The following MRTFB variants were observed in gnomAD, a reference collection of about 807,000 sequenced individuals.
MRTFB encodes the protein myocardin-related transcription factor B.
MRTFB carries 29 observed loss-of-function variants against 104.2 expected under a neutral mutation model. The ratio of observed to expected loss-of-function variants is 0.28; its 90% confidence interval spans 0.21 to 0.38. MRTFB has a LOEUF of 0.38. MRTFB is among the 10% of genes least tolerant of loss of function. MRTFB has a pLI of 1.00. For missense variants in MRTFB, 1,270 were observed against 1,341.6 expected (o/e 0.95, Z 0.83); for synonymous variants, 535 against 519.5 (o/e 1.03, Z -0.41).
chr16:14,106,498 G>C lies in MRTFB; in HGVS notation c.-64+27144G>C, dbSNP rs2035983676. Among the ~76,000 whole-genome samples, 6 of 152,298 alleles carry C rather than the reference G, an allele frequency of 3.9e-5. No individual in the cohort carries two copies. The Middle Eastern group carries it at 0.014, about 345-fold the overall frequency. On this transcript the variant is annotated intron_variant, in intron 2 of 16. Transcript: ENST00000571589. The stretch of plus-strand genomic sequence containing the variant: ...GGCTGATCGAGTGTAGACTGAATCA[G>C]CTACGCCACTTGACTGTAACTATGT...
intron 3 of MRTFB, among the ~76,000 whole-genome samples, chr16:14,172,633 C>T (rs1488368950): frequency 6.6e-6 from 1 of 152,064 alleles, no homozygotes. Flanking sequence ...ACTTCGCATT[C>T]CAACTAGCAC....
intron 2 of MRTFB, among the ~76,000 whole-genome samples, chr16:14,109,156 T>C (rs1231195759): frequency 6.6e-6 from 1 of 152,238 alleles, no homozygotes; most frequent in Admixed American, 6.5e-5. Flanking sequence ...ATTATTTTTA[T>C]ACAGGAAGCT....
At chr16:14,151,001 A>G (rs1226914751) in intron 3 of MRTFB, 2 of 152,156 alleles carry the variant, frequency 1.3e-5, no homozygotes, top group East Asian at 1.9e-4. Context: ...TCTATGTGCA[A>G]TTTCCTGGAG....
At chr16:14,018,484 C>G in the MRTFB span, among the ~76,000 whole-genome samples, 1 of 152,204 alleles carries the variant, frequency 6.6e-6, no homozygotes, top group Non-Finnish European at 1.5e-5. Context: ...GGTTCTGTAT[C>G]TGGCTCACAG....
At chr16:14,122,558 G>T (rs965090109) in intron 2 of MRTFB, among the ~76,000 whole-genome samples, 1 of 152,092 alleles carries the variant, frequency 6.6e-6, no homozygotes, top group African/African-American at 2.4e-5. Flanking sequence ...TCTTATGTTA[G>T]TTTGCTGAGA....
rs149059947 is a variant in MRTFB, at chr16:14,223,487, T to G, written c.693+4489T>G. On this transcript the variant is annotated intron_variant, in intron 8 of 16. Transcript: ENST00000571589. ...AACATGGACAACAAACTAAAGGAAA[T>G]TAGGAAAACTATATATGAACAAACT... is the stretch of plus-strand genomic sequence containing the variant. Among the ~76,000 whole-genome samples the G allele has an allele frequency of 1.0e-3, 152 of 151,994 alleles. 3 individuals are homozygous for G. The East Asian group carries it at 0.026, about 26-fold the overall frequency.
At chr16:14,087,314 G>A (rs1010158597) in intron 2 of MRTFB, among the ~76,000 whole-genome samples, 1 of 152,166 alleles carries the variant, frequency 6.6e-6, no homozygotes, top group Non-Finnish European at 1.5e-5. Context: ...TTAAGGATAT[G>A]TACTGAACCT....
At chr16:14,252,099 C>T (rs2043279918) in intron 14 of MRTFB, 76 bp downstream of exon 14, 10 of 1,456,214 alleles carry the variant, frequency 6.9e-6, no homozygotes, top group Non-Finnish European at 9.4e-6. Context: ...GTGCTTTGGG[C>T]TTGGAGTGAC....
chr16:14,002,384 G>GA, the MRTFB span, among the ~76,000 whole-genome samples: 70 of 142,506 alleles, frequency 4.9e-4, no homozygotes, highest in South Asian at 1.3e-3. Flanking sequence ...CTCCGTCCGG[G>GA]AAAAAAAAAA....
intron 1 of MRTFB, among the ~76,000 whole-genome samples, chr16:14,073,254 T>C (rs918438336): frequency 6.6e-6 from 1 of 152,232 alleles, no homozygotes; most frequent in African/African-American, 2.4e-5. Context: ...ATCTTCATTA[T>C]ACAGATCTGT....
At chr16:14,070,388 C>T (rs892250884), upstream of MRTFB, among the ~76,000 whole-genome samples, 16 of 152,228 alleles carry the variant, frequency 1.1e-4, no homozygotes, top group African/African-American at 3.6e-4. Context: ...TTAAGACTTA[C>T]TCCTGGGAAG....
intron 10 of MRTFB, among the ~76,000 whole-genome samples, chr16:14,241,968 AATAAT>A (rs1425176116): frequency 1.4e-4 from 2 of 14,782 alleles, no homozygotes; most frequent in African/African-American, 2.4e-3. Flanking sequence ...GGGCACCAAT[AATAAT>A]AATAATAATA....
chr16:14,099,546 G>A (rs1042591970), intron 2 of MRTFB, among the ~76,000 whole-genome samples: 1 of 151,466 alleles, frequency 6.6e-6, no homozygotes, highest in Non-Finnish European at 1.5e-5. Flanking sequence ...TGTATTTTTT[G>A]TAGAGACAGG....
intron 10 of MRTFB, 67 bp downstream of exon 10, chr16:14,240,551 T>TA (rs756961324): frequency 2.5e-6 from 4 of 1,610,240 alleles, no homozygotes; most frequent in Middle Eastern, 3.3e-4. Context: ...AACTATAAGT[T>TA]ACCAAAAGTT....
At chr16:14,158,663 A>G (rs938730538) in intron 3 of MRTFB, among the ~76,000 whole-genome samples, 1 of 152,204 alleles carries the variant, frequency 6.6e-6, no homozygotes, top group Non-Finnish European at 1.5e-5. Flanking sequence ...AAAAGGTATA[A>G]ATATAATCAT....
intron 3 of MRTFB, among the ~76,000 whole-genome samples, chr16:14,158,066 GCTTT>G (rs1219490216): frequency 6.6e-6 from 1 of 152,068 alleles, no homozygotes; most frequent in Non-Finnish European, 1.5e-5. Context: ...CCCCACTTTT[GCTTT>G]CTTAAGGACT....
intron 2 of MRTFB, among the ~76,000 whole-genome samples, chr16:14,109,078 GC>G (rs2036142459): frequency 6.6e-6 from 1 of 152,060 alleles, no homozygotes; most frequent in Non-Finnish European, 1.5e-5. Context: ...AGGATTTAAG[GC>G]TTACCTGTCC....
At chr16:13,998,871 CAAA>C in the MRTFB span, among the ~76,000 whole-genome samples, 2 of 29,688 alleles carry the variant, frequency 6.7e-5, no homozygotes, top group Non-Finnish European at 1.6e-4. Context: ...GACTCTGTTT[CAAA>C]AAAAAAAAAA....
At chr16:14,034,892 C>T in the MRTFB span, among the ~76,000 whole-genome samples, 1 of 152,156 alleles carries the variant, frequency 6.6e-6, no homozygotes, top group African/African-American at 2.4e-5. Flanking sequence ...AAGGCCCCAC[C>T]ACCCCAGGCC....
Sources: gnomAD v4.1 joint callset for allele counts (sites outside exome capture counted in the v4.1 genomes callset) on GRCh38, gnomAD v4.1.1 for gene constraint, MANE v1.5 for transcripts, NCBI Gene and HGNC (gene_info 2026-07-23, HGNC 2026-07-21) for gene names.